KPNA3: variants seen among roughly 807,000 people sequenced by gnomAD.
KPNA3 encodes the protein karyopherin subunit alpha 3.
KPNA3 carries 13 observed loss-of-function variants against 73.8 expected under a neutral mutation model. That is an observed-to-expected ratio of 0.18 (90% CI 0.11 to 0.28). The LOEUF (loss-of-function observed/expected upper bound fraction) is 0.28. Among genes scored for constraint, KPNA3 ranks in the 10% least tolerant of loss-of-function variants. The pLI, the probability that KPNA3 is intolerant of heterozygous loss-of-function variation, is 1.00. For synonymous variants in KPNA3, 186 were observed against 206.9 expected (o/e 0.90, Z 0.87); for missense variants, 360 against 618.1 (o/e 0.58, Z 4.43).
intron 1 of KPNA3, among the ~76,000 whole-genome samples, chr13:49,760,306 C>T (rs1301232359): frequency 6.6e-6 from 1 of 151,240 alleles, no homozygotes; most frequent in Admixed American, 6.6e-5. Context: ...TTCCAACTAC[C>T]CAGGAGACTG....
chr13:49,778,139 G>A lies in KPNA3; in HGVS notation c.69+14299C>T, dbSNP rs956616745. On this transcript the variant is annotated intron_variant, in intron 1 of 16. Transcript: ENST00000261667. ...CTTCAAAATAATGCAGGGAAGAGTA[G>A]AAGTGGGTAGAGATTGTTAAATCAA... 3.9e-5 allele frequency among the ~76,000 whole-genome samples: 6 copies of A among 152,230 alleles called. 1 individual carries two copies. Among genetic ancestry groups the A allele is most frequent in the Non-Finnish European group, 8.8e-5 (6 of 68,040 alleles).
intron 2 of KPNA3, among the ~76,000 whole-genome samples, chr13:49,738,996 G>A (rs1954549349): frequency 6.6e-6 from 1 of 152,132 alleles, no homozygotes. Flanking sequence ...ACCAAGATGA[G>A]GCAATTCCTT....
rs1208036613 is a variant in KPNA3 at position 49,767,730 on chromosome 13, CCA to C, written c.70-20739_70-20738del. 2.6e-5 allele frequency among the ~76,000 whole-genome samples: 4 copies of C among 152,230 alleles called. No individual in the cohort carries two copies. In the East Asian group the frequency reaches 7.7e-4, roughly 29 times the overall value. On this transcript the variant is annotated intron_variant, in intron 1 of 16. Transcript: ENST00000261667. ...ACCTATTACTTAACCTCTCTGAACC[CCA>C]GAGTCCCCACTTAGGAAACGAGGAT...
At chr13:49,786,533 T>G (rs1301623391) in intron 1 of KPNA3, among the ~76,000 whole-genome samples, 1 of 152,182 alleles carries the variant, frequency 6.6e-6, no homozygotes, top group Non-Finnish European at 1.5e-5. Context: ...TGACATGGTG[T>G]GGCAGAATTG....
intron 1 of KPNA3, among the ~76,000 whole-genome samples, chr13:49,783,622 G>A (rs962712828): frequency 6.6e-6 from 1 of 152,178 alleles, no homozygotes; most frequent in Non-Finnish European, 1.5e-5. Context: ...AGTGGTGTCA[G>A]TCATAGAAAG....
In KPNA3 at chr13:49,762,862, A is replaced by T. The variant is rs559373887; in HGVS notation, c.70-15869T>A. ...CGAGAAACACCCAAGAATGATCAAT[A>T]AAAAAAATAAAATTAAATTAAAAAA... On this transcript the variant is annotated intron_variant, in intron 1 of 16. Transcript: ENST00000261667. Among the ~76,000 whole-genome samples the T allele has an allele frequency of 7.9e-5, 12 of 151,632 alleles. No homozygotes were observed. The South Asian group carries it at 2.5e-3, about 32-fold the overall frequency.
intron 2 of KPNA3, among the ~76,000 whole-genome samples, chr13:49,746,050 G>A (rs1324932689): frequency 4.5e-5 from 6 of 133,380 alleles, no homozygotes; most frequent in East Asian, 2.2e-4. Flanking sequence ...GCGACAGAGC[G>A]AGACTCTGCA....
chr13:49,779,279 T>C (rs537265940), intron 1 of KPNA3, among the ~76,000 whole-genome samples: 5 of 152,346 alleles, frequency 3.3e-5, no homozygotes, highest in East Asian at 3.9e-4. Context: ...TTCATTCCTA[T>C]ATAAATCCTA....
rs1221733302 is a variant in KPNA3, at chr13:49,730,775, C to G, written c.383+1596G>C. Among the ~76,000 whole-genome samples the G allele has an allele frequency of 6.0e-5, 7 of 116,334 alleles. 1 individual carries two copies. The highest frequency in any genetic ancestry group is 1.8e-4 in the Admixed American group (2 of 11,396). The allele number at this position is 116,334 out of a possible 152,430, so 76.3% of individuals were successfully genotyped here. A position where few individuals can be genotyped will look rare whatever the true frequency, so the allele number is the denominator to read the frequency against. On this transcript the variant is annotated intron_variant, in intron 6 of 16. Coordinates refer to ENST00000261667, the MANE Select transcript of KPNA3 (RefSeq NM_002267.4). The stretch of plus-strand genomic sequence containing the variant: ...CTAATGCTATCCCTCCCCCCTCCCC[C>G]CTATTTATTCATTTATTTTGAGACG...
At chr13:49,702,028 A>C in intron 16 of KPNA3, 130 bp from the exon 17 acceptor site, 1 of 613,244 alleles carries the variant, frequency 1.6e-6, no homozygotes, top group South Asian at 2.1e-5. Context: ...ATATTCGAGT[A>C]AATCAATAAT....
intron 2 of KPNA3, 61 bp from the exon 3 acceptor site, chr13:49,733,107 T>C: frequency 3.1e-6 from 3 of 983,234 alleles, no homozygotes; most frequent in Non-Finnish European, 4.8e-6. Context: ...GAAAAATCCA[T>C]TAAAACTACT....
chr13:49,731,729 A>G (rs1954471559), intron 6 of KPNA3, among the ~76,000 whole-genome samples: 1 of 152,218 alleles, frequency 6.6e-6, no homozygotes, highest in Admixed American at 6.5e-5. Context: ...AGTTAATCCA[A>G]ATTAACAAAG....
intron 1 of KPNA3, among the ~76,000 whole-genome samples, chr13:49,761,723 C>T (rs1415335641): frequency 6.6e-6 from 1 of 152,122 alleles, no homozygotes; most frequent in Non-Finnish European, 1.5e-5. Context: ...TGAGGAGCCC[C>T]TCTGCCCGGC....
At chr13:49,709,989 T>C (rs1292265775) in intron 11 of KPNA3, among the ~76,000 whole-genome samples, 1 of 152,162 alleles carries the variant, frequency 6.6e-6, no homozygotes, top group African/African-American at 2.4e-5. Flanking sequence ...AGGCTGGGCA[T>C]GGTGGCTCAT....
chr13:49,726,673 G>A (rs1018519382), intron 6 of KPNA3, among the ~76,000 whole-genome samples: 5 of 152,114 alleles, frequency 3.3e-5, no homozygotes, highest in African/African-American at 9.7e-5. Context: ...AGACATGTTG[G>A]GGCTTACACC....
intron 2 of KPNA3, among the ~76,000 whole-genome samples, chr13:49,737,606 TGTGTG>T (rs1232339342): frequency 1.1e-5 from 1 of 91,166 alleles, no homozygotes; most frequent in African/African-American, 3.6e-5. Flanking sequence ...TGTGTGTGTG[TGTGTG>T]TAAGAGCCAG....
At chr13:49,717,136 T>C (rs976554008) in intron 10 of KPNA3, among the ~76,000 whole-genome samples, 2 of 152,192 alleles carry the variant, frequency 1.3e-5, no homozygotes, top group Non-Finnish European at 2.9e-5. Context: ...AAACCTTCCA[T>C]ATTTGTGTTA....
intron 1 of KPNA3, among the ~76,000 whole-genome samples, chr13:49,760,684 G>C (rs1033252192): frequency 6.6e-6 from 1 of 152,086 alleles, no homozygotes; most frequent in Non-Finnish European, 1.5e-5. Flanking sequence ...CACTGAGCTC[G>C]TCCCTCTTCT....
In KPNA3 at chr13:49,735,247, T is replaced by C. The variant is rs575789133; in HGVS notation, c.115-2201A>G. ...AAGTGATTCTCCTGCCTCAGCCTCCTGAATAGCTGGGATTACAGGCATGCG... is the reference window on the plus strand; with the variant it reads ...AAGTGATTCTCCTGCCTCAGCCTCCCGAATAGCTGGGATTACAGGCATGCG... On this transcript the variant is annotated intron_variant, in intron 2 of 16. Transcript: ENST00000261667. Among the ~76,000 whole-genome samples the C allele has an allele frequency of 2.6e-5, 4 of 152,262 alleles. No individual in the cohort carries two copies. The South Asian group carries it at 8.3e-4, about 32-fold the overall frequency.
Sources: allele counts gnomAD v4.1 joint callset (sites outside exome capture counted in the v4.1 genomes callset), GRCh38; gene constraint gnomAD v4.1.1; transcripts MANE v1.5; gene names NCBI Gene and HGNC (gene_info 2026-07-23, HGNC 2026-07-21).